The following TAF9 variants were observed in gnomAD, a reference collection of about 807,000 sequenced individuals.
The protein encoded by TAF9 is TATA-box binding protein associated factor 9.
Under a neutral mutation model 16.5 loss-of-function variants are expected in TAF9, and 10 were observed. The observed-to-expected ratio is 0.61, with a 90% confidence interval of 0.37 to 1.03. TAF9 has a LOEUF of 1.03. TAF9 is among the 50% of genes least tolerant of loss of function. The probability of loss-of-function intolerance (pLI) is 0.01; values close to 1 mark genes in which losing one functional copy is unlikely to be tolerated. For missense variants in TAF9, 288 were observed against 319.1 expected (o/e 0.90, Z 0.74); for synonymous variants, 105 against 120.5 (o/e 0.87, Z 0.84).
upstream of TAF9, chr5:69,369,702 A>G (rs765805325): frequency 8.3e-5 from 129 of 1,552,296 alleles, no homozygotes; most frequent in Admixed American, 6.1e-4. Flanking sequence ...GAGGGTGGGC[A>G]TAACTCGGGT....
chr5:69,364,763 T>C lies in TAF9; in HGVS notation c.*180A>G. ...AACAATCGAATGAATGACAACTTTA[T>C]TTTTCTTACACTTTTAAGGCTGATG... On this transcript the variant is annotated 3_prime_UTR_variant, in exon 3 of 3. Coordinates refer to ENST00000217893, the MANE Select transcript of TAF9 (RefSeq NM_003187.5). 1.4e-6 allele frequency: 1 copy of C among 692,664 alleles called. No homozygotes were observed. The highest frequency in any genetic ancestry group is 2.5e-5 in the East Asian group (1 of 39,816). 42.9% of individuals were successfully genotyped at this position (692,664 alleles called of 1,614,324 possible).
intron 1 of TAF9, 167 bp downstream of exon 1, chr5:69,369,296 C>T (rs1762731272): frequency 1.6e-6 from 1 of 638,902 alleles, no homozygotes; most frequent in Non-Finnish European, 2.4e-6. Context: ...CCTCGCCTCC[C>T]GCAACGCCCG....
intron 1 of TAF9, 28 bp downstream of exon 1, chr5:69,369,435 C>T: frequency 6.2e-7 from 1 of 1,608,838 alleles, no homozygotes; most frequent in Non-Finnish European, 8.5e-7. Context: ...CTGCCCCAGC[C>T]CAGTCCCTCC....
rs1030122419 is a variant in TAF9 at position 69,365,097 on chromosome 5, A to G, written c.641T>C (p.Ile214Thr). Residue 214 changes from isoleucine (I) to threonine (T), a missense_variant, in exon 3 of 3, where the codon ATT becomes ACT. Physicochemically the swap from Ile to Thr is moderately conservative, Grantham distance 89. Coordinates refer to ENST00000217893, the MANE Select transcript of TAF9 (RefSeq NM_003187.5). The part of the protein sequence containing the change: ...PATSAVQNVL[I>T]NPSLIGSKNI... The stretch of plus-strand genomic sequence containing the variant: ...TTTGGACCCGATTAATGATGGATTA[A>G]TCAGAACATTCTGAACTGCTGAGGT... 1.4e-5 allele frequency: 23 copies of G among 1,614,246 alleles called. No homozygotes were observed. The highest frequency in any genetic ancestry group is 1.9e-5 in the Non-Finnish European group (23 of 1,180,046).
chr5:69,365,093 A>T lies in TAF9; in HGVS notation c.645T>A (p.Asn215Lys). 6.2e-7 allele frequency: 1 copy of T among 1,614,250 alleles called. No individual in the cohort carries two copies. Among genetic ancestry groups the T allele is most frequent in the South Asian group, 1.1e-5 (1 of 91,084 alleles). ...ATSAVQNVLI[N>K]PSLIGSKNIL... ...TGTTTTTGGACCCGATTAATGATGG[A>T]TTAATCAGAACATTCTGAACTGCTG... The change falls in exon 3 of 3, where the codon AAT (asparagine) becomes AAA (lysine). Residue 215 changes from asparagine to lysine, a missense_variant. By Grantham distance (94) the Asn-to-Lys change is moderately conservative (BLOSUM62 0). Transcript: ENST00000217893.
intron 2 of TAF9, 129 bp from the exon 3 acceptor site, chr5:69,365,883 CAT>C (rs1254617030): frequency 5.1e-6 from 3 of 592,818 alleles, no homozygotes; most frequent in East Asian, 3.2e-5. Flanking sequence ...AAATTTAAAC[CAT>C]ATGTTTTCTT....
intron 1 of TAF9, chr5:69,369,238 C>CCCCCCCCCCCCCCCCA: frequency 6.4e-6 from 1 of 156,870 alleles, no homozygotes; most frequent in Non-Finnish European, 1.3e-5. Flanking sequence ...CCCCCCCCGC[C>CCCCCCCCCCCCCCCCA]CCCCCCCGGA....
At chr5:69,367,647 G>C (rs770027666) in intron 1 of TAF9, among the ~76,000 whole-genome samples, 1 of 151,902 alleles carries the variant, frequency 6.6e-6, no homozygotes, top group African/African-American at 2.4e-5. Context: ...TTACCTCCTG[G>C]GCTCAAGCAA....
intron 1 of TAF9, 189 bp downstream of exon 1, chr5:69,369,274 C>CCGCGTCCCCTCCCT (rs1418484626): frequency 1.1e-5 from 3 of 278,288 alleles, no homozygotes; most frequent in African/African-American, 7.6e-5. Context: ...AATTAACGTT[C>CCGCGTCCCCTCCCT]CGCGTCCCCT....
In TAF9 at chr5:69,364,773, A is replaced by G. The variant is rs1177185706; in HGVS notation, c.*170T>C. On this transcript the variant is annotated 3_prime_UTR_variant, in exon 3 of 3. Coordinates refer to ENST00000217893, the MANE Select transcript of TAF9 (RefSeq NM_003187.5). Reference sequence around the variant, plus strand: ...TGAATGACAACTTTATTTTTCTTACACTTTTAAGGCTGATGAAAAACCTTC... The same window carrying G: ...TGAATGACAACTTTATTTTTCTTACGCTTTTAAGGCTGATGAAAAACCTTC... 3 of 702,074 alleles carry G rather than the reference A, an allele frequency of 4.3e-6. No individual in the cohort carries two copies. Among genetic ancestry groups the G allele is most frequent in the Non-Finnish European group, 7.2e-6 (3 of 417,494 alleles). 43.5% of individuals were successfully genotyped at this position (702,074 alleles called of 1,614,324 possible).
chr5:69,365,559 T>G lies in TAF9; in HGVS notation c.179A>C (p.His60Pro), dbSNP rs1338856849. The G allele has an allele frequency of 6.2e-7, 1 of 1,614,044 alleles. No homozygotes were observed. Among genetic ancestry groups the G allele is most frequent in the Non-Finnish European group, 8.5e-7 (1 of 1,179,964 alleles). Reference sequence around the variant, plus strand: ...TGCATCAACAGTAGCTTTCTTAGCATGGCTTGAATAAATTTTTGCATCATC... The same window carrying G: ...TGCATCAACAGTAGCTTTCTTAGCAGGGCTTGAATAAATTTTTGCATCATC... ...ILDDAKIYSS[H>P]AKKATVDADD... The change falls in exon 3 of 3, where the codon CAT becomes CCT. Residue 60 changes from histidine (H) to proline (P), a missense_variant. His to Pro is a moderately conservative substitution (Grantham distance 77). Transcript: ENST00000217893.
At chr5:69,369,230 C>CT in intron 1 of TAF9, 1 of 93,728 alleles carries the variant, frequency 1.1e-5, no homozygotes, top group South Asian at 3.2e-4. Flanking sequence ...CTCTCCACCC[C>CT]CCCCCGCCCC....
chr5:69,369,226 A>ACCTCCCCCCC, intron 1 of TAF9: 1 of 123,114 alleles, frequency 8.1e-6, no homozygotes. Flanking sequence ...ACCTCTCTCC[A>ACCTCCCCCCC]CCCCCCCCCG....
chr5:69,368,590 G>A (rs551034056), intron 1 of TAF9, among the ~76,000 whole-genome samples: 2 of 151,718 alleles, frequency 1.3e-5, no homozygotes, highest in Non-Finnish European at 2.9e-5. Flanking sequence ...GCACCTCTCA[G>A]AAACAGACAT....
At chr5:69,369,600 A>AG (rs1762780611), upstream of TAF9, 1 of 1,589,932 alleles carries the variant, frequency 6.3e-7, no homozygotes, top group Non-Finnish European at 8.6e-7. Flanking sequence ...AAGGCCCCGA[A>AG]GCCCACCGCG....
chr5:69,365,492 A>T lies in TAF9; in HGVS notation c.246T>A (p.Ser82=), dbSNP rs747916665. Residue 82 remains serine, a synonymous_variant, in exon 3 of 3, where the codon TCT becomes TCA. Coordinates refer to ENST00000217893, the MANE Select transcript of TAF9 (RefSeq NM_003187.5). ...RLAIQCRADQ[S]FTSPPPRDFL... ...AATCTCTTGGGGGAGGAGAGGTAAA[A>T]GACTGATCAGCGCGGCACTGGATTG... is the stretch of plus-strand genomic sequence containing the variant. 6.8e-6 allele frequency: 11 copies of T among 1,614,178 alleles called. No homozygotes were observed. The highest frequency in any genetic ancestry group is 8.5e-6 in the Non-Finnish European group (10 of 1,180,022).
chr5:69,367,171 C>A (rs1019021019), intron 1 of TAF9, among the ~76,000 whole-genome samples: 3 of 152,066 alleles, frequency 2.0e-5, no homozygotes, highest in Non-Finnish European at 2.9e-5. Context: ...CAGATTCTGA[C>A]GCCAATTCAA....
In TAF9 at chr5:69,369,465, G is replaced by T. The variant is rs748322598; in HGVS notation, c.-113C>A. On this transcript the variant is annotated splice_region_variant and 5_prime_UTR_variant, in exon 1 of 3. Coordinates refer to ENST00000217893, the MANE Select transcript of TAF9 (RefSeq NM_003187.5). Reference sequence around the variant, plus strand: ...CCCTCCCGGCCGCGCGCCCTGACCGGTGAGCAGGATGTTCGGAAGCAACAT... The same window carrying T: ...CCCTCCCGGCCGCGCGCCCTGACCGTTGAGCAGGATGTTCGGAAGCAACAT... 6.2e-7 allele frequency: 1 copy of T among 1,610,788 alleles called. No individual in the cohort carries two copies. The highest frequency in any genetic ancestry group is 1.1e-5 in the South Asian group (1 of 90,848).
At chr5:69,368,993 G>A (rs1470323217) in intron 1 of TAF9, 1 of 164,952 alleles carries the variant, frequency 6.1e-6, no homozygotes, top group Non-Finnish European at 1.3e-5. Flanking sequence ...CTAATCTGAG[G>A]CGTTTATCAG....
Sources: allele counts gnomAD v4.1 joint callset (sites outside exome capture counted in the v4.1 genomes callset), GRCh38; gene constraint gnomAD v4.1.1; transcripts MANE v1.5; gene names NCBI Gene and HGNC (gene_info 2026-07-23, HGNC 2026-07-21).